TMSB4X: variants seen among roughly 807,000 people sequenced by gnomAD.
TMSB4X encodes the protein thymosin beta 4 X-linked.
Under a neutral mutation model 3.6 loss-of-function variants are expected in TMSB4X, and 1 was observed. The ratio of observed to expected loss-of-function variants is 0.28; its 90% CI spans 0.10 to 1.32. The LOEUF is 1.32. Ranked by LOEUF, TMSB4X falls within the 40% of genes most tolerant of loss-of-function variation. The pLI is 0.45. For missense variants in TMSB4X, 6 were observed against 32.7 expected, an observed-to-expected ratio of 0.18 and a Z score of 1.99; for synonymous variants, 12 against 14.3, an observed-to-expected ratio of 0.84 and a Z score of 0.36.
chrX:12,976,587 TATAC>T (rs1015127621), intron 2 of TMSB4X, among the ~76,000 whole-genome samples, 186 bp from the exon 3 acceptor site: 1 of 112,317 alleles, frequency 8.9e-6, no homozygotes, highest in African/African-American at 3.2e-5. Flanking sequence ...GCCATATTAA[TATAC>T]AAACATTTAT....
intron 2 of TMSB4X, 25 bp from the exon 3 acceptor site, chrX:12,976,748 CTTTT>C (rs138495959): frequency 9.5e-5 from 101 of 1,066,283 alleles, no homozygotes; most frequent in Admixed American, 5.9e-4. Context: ...CTCCCTCCAT[CTTTT>C]TTTTTTTTTT....
At chrX:12,976,686 A>T in intron 2 of TMSB4X, 91 bp from the exon 3 acceptor site, 2 of 1,033,188 alleles carry the variant, frequency 1.9e-6, no homozygotes, top group East Asian at 3.0e-5. Context: ...TTATGATTTG[A>T]AAAGATGCTT....
At chrX:12,976,070 G>T (rs1399164412) in intron 1 of TMSB4X, 176 bp from the exon 2 acceptor site, 4 of 408,239 alleles carry the variant, frequency 9.8e-6, no homozygotes, top group East Asian at 4.2e-5. Context: ...GGCGCGGGGG[G>T]TGTCGCCTCT....
rs769742285 is a variant in TMSB4X at position 12,976,240 on chromosome X, C to T, written c.-16-6C>T. On this transcript the variant is annotated splice_polypyrimidine_tract_variant and splice_region_variant and intron_variant, in intron 1 of 2. Coordinates refer to ENST00000451311, the MANE Select transcript of TMSB4X (RefSeq NM_021109.4). ...CTCACGCTCGCTCTTGGCTTGCTCC[C>T]TGCAGCTTTTCCTCCGCAACCATGT... 5.9e-6 allele frequency: 7 copies of T among 1,195,640 alleles called. No individual in the cohort carries two copies. The highest frequency in any genetic ancestry group is 6.8e-6 in the Non-Finnish European group (6 of 882,821).
In TMSB4X at chrX:12,976,117, G is replaced by C. The variant is rs1049268748; in HGVS notation, c.-16-129G>C. 2.1e-5 allele frequency: 10 copies of C among 466,040 alleles called. No homozygotes were observed. The Admixed American group carries it at 3.6e-4, about 17-fold the overall frequency. The allele number at this position is 466,040 out of a possible 1,213,427, so 38.4% of individuals were successfully genotyped here. A position where few individuals can be genotyped will look rare whatever the true frequency, so the allele number is the denominator to read the frequency against. ...AAGAGGAAGCTCGTGAGCGCGGAAC[G>C]GCAGCAGTAGGAGAGCGAGAAGGGT... On this transcript the variant is annotated intron_variant, in intron 1 of 2. Transcript: ENST00000451311.
chrX:12,976,906 G>C lies in TMSB4X; in HGVS notation c.*95G>C. ...TGTTTAACTTTGTAAGATGCAAAGAGGTTGGATCAAGTTTAAATGACTGTG... is the reference window on the plus strand; with the variant it reads ...TGTTTAACTTTGTAAGATGCAAAGACGTTGGATCAAGTTTAAATGACTGTG... On this transcript the variant is annotated 3_prime_UTR_variant, in exon 3 of 3. Transcript: ENST00000451311. The C allele has an allele frequency of 9.9e-7, 1 of 1,005,123 alleles. No individual in the cohort carries two copies. The highest frequency in any genetic ancestry group is 1.4e-6 in the Non-Finnish European group (1 of 724,399). 82.8% of individuals were successfully genotyped at this position (1,005,123 alleles called of 1,213,427 possible).
chrX:12,976,477 G>A (rs1396071208), intron 2 of TMSB4X, 116 bp downstream of exon 2: 1 of 649,652 alleles, frequency 1.5e-6, no homozygotes, highest in Admixed American at 3.0e-5. Flanking sequence ...CGGGGGAAGA[G>A]CCGACAGTTG....
rs1438785892 is a variant in TMSB4X at position 12,976,181 on chromosome X, C to G, written c.-16-65C>G. The G allele has an allele frequency of 4.6e-6, 4 of 871,476 alleles. No individual in the cohort carries two copies. In the African/African-American group the frequency reaches 8.0e-5, roughly 17 times the overall value. The allele number at this position is 871,476 out of a possible 1,213,427, so 71.8% of individuals were successfully genotyped here. A position where few individuals can be genotyped will look rare whatever the true frequency, so the allele number is the denominator to read the frequency against. Reference sequence around the variant, plus strand: ...CGGGTCGGAGGGCAGAAGTGCAGTTCCCAGCCCAGAGACAGCGGGGCGGGT... The same window carrying G: ...CGGGTCGGAGGGCAGAAGTGCAGTTGCCAGCCCAGAGACAGCGGGGCGGGT... On this transcript the variant is annotated intron_variant, in intron 1 of 2. Transcript: ENST00000451311.
chrX:12,976,072 G>A (rs1324675776), intron 1 of TMSB4X, 174 bp from the exon 2 acceptor site: 2 of 407,931 alleles, frequency 4.9e-6, no homozygotes, highest in East Asian at 8.3e-5. Context: ...CGCGGGGGGT[G>A]TCGCCTCTTT....
At chrX:12,976,103 C>T (rs768689604) in intron 1 of TMSB4X, 143 bp from the exon 2 acceptor site, 13 of 438,581 alleles carry the variant, frequency 3.0e-5, no homozygotes, top group African/African-American at 2.8e-4. Context: ...AGAGGAAGCT[C>T]GTGAGCGCGG....
rs750593566 is a variant in TMSB4X, at chrX:12,976,802, C to T, written c.126C>T (p.Gly42=). The change falls in exon 3 of 3, where the codon GGC becomes GGT. Residue 42 remains glycine, a synonymous_variant. Transcript: ENST00000451311. ...KETIEQEKQA[G]ES ...CGATTGAACAGGAGAAGCAAGCAGGCGAATCGTAATGAGGCGTGCGCCGCC... is the reference window on the plus strand; with the variant it reads ...CGATTGAACAGGAGAAGCAAGCAGGTGAATCGTAATGAGGCGTGCGCCGCC... The T allele has an allele frequency of 2.5e-6, 3 of 1,189,221 alleles. No homozygotes were observed. Among genetic ancestry groups the T allele is most frequent in the East Asian group, 6.0e-5 (2 of 33,476 alleles).
chrX:12,975,938 C>T (rs9778614), intron 1 of TMSB4X: 1,757 of 152,624 alleles, frequency 0.012, 29 homozygotes, highest in African/African-American at 0.05. Context: ...CCTAGCCAGC[C>T]TTTAATTTTA....
intron 2 of TMSB4X, 133 bp from the exon 3 acceptor site, chrX:12,976,644 T>C: frequency 2.8e-6 from 2 of 716,841 alleles, no homozygotes; most frequent in Non-Finnish European, 2.1e-6. Context: ...ATATACATAT[T>C]TTATTCCATT....
intron 2 of TMSB4X, 107 bp downstream of exon 2, chrX:12,976,468 G>A (rs1265383030): frequency 1.4e-6 from 1 of 700,027 alleles, no homozygotes; most frequent in Admixed American, 2.8e-5. Context: ...GGGGGAGTGC[G>A]GGGGAAGAGC....
chrX:12,975,625 G>A (rs1602476324), intron 1 of TMSB4X: 1 of 113,702 alleles, frequency 8.8e-6, no homozygotes, highest in Admixed American at 9.2e-5. Flanking sequence ...GCAGAGACAT[G>A]TGTGCCAGGG....
At chrX:12,975,463 AG>A (rs1477923135) in intron 1 of TMSB4X, 1 of 112,960 alleles carries the variant, frequency 8.9e-6, no homozygotes, top group Non-Finnish European at 1.9e-5. Flanking sequence ...GTTGCCTTGG[AG>A]GCTGAGATAT....
chrX:12,976,744 CCAT>C, intron 2 of TMSB4X, 30 bp from the exon 3 acceptor site: 1 of 1,088,035 alleles, frequency 9.2e-7, no homozygotes, highest in Non-Finnish European at 1.2e-6. Flanking sequence ...TCATCTCCCT[CCAT>C]CTTTTTTTTT....
intron 2 of TMSB4X, 103 bp from the exon 3 acceptor site, chrX:12,976,674 G>A (rs2043298081): frequency 2.1e-6 from 2 of 931,484 alleles, no homozygotes; most frequent in Non-Finnish European, 3.0e-6. Flanking sequence ...CGTGTAGAAT[G>A]TTTATGATTT....
chrX:12,976,079 C>G, intron 1 of TMSB4X, 167 bp from the exon 2 acceptor site: 1 of 416,988 alleles, frequency 2.4e-6, no homozygotes, highest in Non-Finnish European at 4.3e-6. Flanking sequence ...GGTGTCGCCT[C>G]TTTTTCTGTA....
Sources: gnomAD v4.1 joint callset for allele counts (sites outside exome capture counted in the v4.1 genomes callset) on GRCh38, gnomAD v4.1.1 for gene constraint, MANE v1.5 for transcripts, NCBI Gene and HGNC (gene_info 2026-07-23, HGNC 2026-07-21) for gene names.